Variants in FUT8 observed in about 807,000 individuals in gnomAD.
The protein encoded by FUT8 is alpha-(1,6)-fucosyltransferase.
Under a neutral mutation model 71.3 loss-of-function variants are expected in FUT8, and 29 were observed. The observed-to-expected ratio is 0.41, with a 90% confidence interval of 0.30 to 0.55. The LOEUF (loss-of-function observed/expected upper bound fraction) is 0.55, where lower values mean the gene tolerates loss of function less well. FUT8 is among the 20% of genes least tolerant of loss of function. FUT8 has a pLI of 0.34. For synonymous variants in FUT8, 254 were observed against 239.3 expected, an observed-to-expected ratio of 1.06 and a Z score of -0.57; for missense variants, 544 against 702.1, an observed-to-expected ratio of 0.77 and a Z score of 2.55.
the FUT8 span, among the ~76,000 whole-genome samples, chr14:65,373,268 G>C: frequency 6.6e-6 from 1 of 151,466 alleles, no homozygotes; most frequent in African/African-American, 2.4e-5. Context: ...ATGACAACAG[G>C]CATTCCTGTT....
Position 65,603,857 on chromosome 14 carries a change from G to T in FUT8, c.204-12121G>T, listed in dbSNP as rs2140177912. The stretch of plus-strand genomic sequence containing the variant: ...CGAATTCACAAACCAAGCATCTGCT[G>T]CCTTCACCTAAAACATAAGGATTGA... On this transcript the variant is annotated intron_variant, in intron 3 of 10. Coordinates refer to ENST00000673929, the MANE Select transcript of FUT8 (RefSeq NM_001371533.1). This position sits in a 1 kb window ranked among gnomAD's most constrained non-coding sequence, Gnocchi z 4.5. Among the ~76,000 whole-genome samples, 1 of 151,854 alleles carries T rather than the reference G, an allele frequency of 6.6e-6. No individual in the cohort carries two copies. The highest frequency in any genetic ancestry group is 2.1e-4 in the South Asian group (1 of 4,772).
At chr14:65,478,330 C>T (rs990343211) in intron 2 of FUT8, among the ~76,000 whole-genome samples, 2 of 152,094 alleles carry the variant, frequency 1.3e-5, no homozygotes, top group African/African-American at 4.8e-5. Flanking sequence ...AAATCCAAAA[C>T]GTTCCAAAAT....
intron 2 of FUT8, among the ~76,000 whole-genome samples, chr14:65,458,540 A>G (rs959779955): frequency 1.3e-5 from 2 of 152,210 alleles, no homozygotes; most frequent in African/African-American, 2.4e-5. Flanking sequence ...ATTATTTGTT[A>G]TAGAAATAAA....
intron 10 of FUT8, among the ~76,000 whole-genome samples, chr14:65,734,705 T>C (rs1307562534): frequency 6.6e-6 from 1 of 152,190 alleles, no homozygotes; most frequent in East Asian, 1.9e-4. Context: ...AACAGGTACA[T>C]GTAACTGGTA....
At chr14:65,458,976 A>G (rs2065934626) in intron 2 of FUT8, among the ~76,000 whole-genome samples, 1 of 151,968 alleles carries the variant, frequency 6.6e-6, no homozygotes, top group South Asian at 2.1e-4. Flanking sequence ...TTTAGAAGAG[A>G]TGGGGTTTCA....
intron 2 of FUT8, among the ~76,000 whole-genome samples, chr14:65,537,358 A>C (rs1175637642): frequency 6.6e-6 from 1 of 151,398 alleles, no homozygotes; most frequent in Non-Finnish European, 1.5e-5. Flanking sequence ...TTTTATTATT[A>C]TTACTATTAT....
intron 1 of FUT8, among the ~76,000 whole-genome samples, chr14:65,451,116 A>G (rs1450671302): frequency 3.3e-5 from 5 of 152,116 alleles, no homozygotes. Flanking sequence ...TCAGCCTCCC[A>G]AAGTGCTGGG....
At chr14:65,501,300 A>G (rs2066641892) in intron 2 of FUT8, among the ~76,000 whole-genome samples, 1 of 152,222 alleles carries the variant, frequency 6.6e-6, no homozygotes, top group African/African-American at 2.4e-5. Context: ...CTGAAAAAGC[A>G]AACAGGGAAC....
intron 7 of FUT8, among the ~76,000 whole-genome samples, chr14:65,709,125 T>C (rs1011638227): frequency 5.3e-5 from 8 of 152,158 alleles, no homozygotes; most frequent in African/African-American, 1.9e-4. Flanking sequence ...AAAATACATA[T>C]ACAATTATTA....
At chr14:65,404,380 G>T in the FUT8 span, among the ~76,000 whole-genome samples, 22 of 151,276 alleles carry the variant, frequency 1.5e-4, no homozygotes, top group Non-Finnish European at 2.2e-4. Context: ...TGCCATCTTG[G>T]CCAGGCTGGT....
intron 2 of FUT8, among the ~76,000 whole-genome samples, chr14:65,559,395 A>T (rs1885782436): frequency 6.6e-6 from 1 of 152,198 alleles, no homozygotes; most frequent in Non-Finnish European, 1.5e-5. Context: ...TAGGTGTTAT[A>T]AGTAATCTAG....
At chr14:65,697,872 G>T (rs1225325761) in intron 7 of FUT8, among the ~76,000 whole-genome samples, 1 of 152,068 alleles carries the variant, frequency 6.6e-6, no homozygotes, top group African/African-American at 2.4e-5. Flanking sequence ...CTACTCCAGA[G>T]GCTGAGGCAG....
chr14:65,361,068 C>T, the FUT8 span, among the ~76,000 whole-genome samples: 1 of 152,020 alleles, frequency 6.6e-6, no homozygotes. Flanking sequence ...CTGTAAAGAG[C>T]TCTATAAAGC....
At chr14:65,696,639 T>C (rs879443461) in intron 7 of FUT8, among the ~76,000 whole-genome samples, 10 of 152,238 alleles carry the variant, frequency 6.6e-5, no homozygotes, top group Admixed American at 1.3e-4. Flanking sequence ...TGGAAAATTC[T>C]CAGGCATTAT....
chr14:65,485,336 TTTA>T lies in FUT8; in HGVS notation c.-228+29625_-228+29627del, dbSNP rs376538617. ...ACCTTTTTTGAGTGTTAGATATTCT[TTTA>T]TTATTAGAAATACTGTTGAATTTTG... On this transcript the variant is annotated intron_variant, in intron 2 of 10. Transcript: ENST00000673929. Among the ~76,000 whole-genome samples the T allele has an allele frequency of 1.2e-4, 19 of 152,326 alleles. 3 individuals carry two copies. The highest frequency in any genetic ancestry group is 4.3e-4 in the African/African-American group (18 of 41,564).
At chr14:65,443,227 G>A (rs1158866444) in intron 1 of FUT8, among the ~76,000 whole-genome samples, 2 of 151,722 alleles carry the variant, frequency 1.3e-5, no homozygotes, top group Non-Finnish European at 2.9e-5. Context: ...TGGCTAACGC[G>A]GTGAAACCCT....
At chr14:65,645,578 A>G (rs1162138144) in intron 6 of FUT8, among the ~76,000 whole-genome samples, 1 of 152,220 alleles carries the variant, frequency 6.6e-6, no homozygotes, top group Non-Finnish European at 1.5e-5. Flanking sequence ...TCATATTTGT[A>G]GTACTGCTGT....
intron 7 of FUT8, among the ~76,000 whole-genome samples, chr14:65,711,354 A>G (rs927481091): frequency 3.3e-5 from 5 of 152,242 alleles, no homozygotes; most frequent in African/African-American, 1.2e-4. Context: ...ATTTGGAGCT[A>G]GTTACACTGA....
intron 7 of FUT8, among the ~76,000 whole-genome samples, chr14:65,683,087 C>G (rs1181449703): frequency 6.6e-6 from 1 of 150,892 alleles, no homozygotes; most frequent in East Asian, 1.9e-4. Flanking sequence ...CATCTCGGCT[C>G]ACTGCAACCT....
Sources: gnomAD v4.1 joint callset for allele counts (sites outside exome capture counted in the v4.1 genomes callset) on GRCh38, gnomAD v4.1.1 for gene constraint, Gnocchi (gnomAD v3.1) non-coding constraint, MANE v1.5 for transcripts, NCBI Gene and HGNC (gene_info 2026-07-23, HGNC 2026-07-21) for gene names.